Variants in CHD8 observed in about 807,000 individuals in gnomAD.
CHD8 encodes chromodomain helicase DNA binding protein 8.
Under a neutral mutation model 279.2 loss-of-function variants are expected in CHD8, and 31 were observed. The observed-to-expected ratio is 0.11, with a 90% CI of 0.08 to 0.15. The LOEUF (loss-of-function observed/expected upper bound fraction) is 0.15, where lower values mean the gene tolerates loss of function less well. Ranked by LOEUF, CHD8 falls within the 10% of genes least tolerant of loss-of-function variation. CHD8 has a pLI of 1.00. For synonymous variants in CHD8, 1,081 were observed against 1,139.6 expected (o/e 0.95, Z 1.04); for missense variants, 2,146 against 3,230.5 (o/e 0.66, Z 8.14).
intron 1 of CHD8, chr14:21,437,256 C>T: frequency 5.1e-6 from 6 of 1,165,990 alleles, no homozygotes; most frequent in African/African-American, 1.6e-5. Context: ...AGTTCCCCCT[C>T]CTCCTGCGCA....
In CHD8 at chr14:21,394,356, A is replaced by G; in HGVS notation, c.5520T>C (p.Asp1840=). The change falls in exon 31 of 38, where the codon GAT becomes GAC. Residue 1840 remains aspartate (D), a synonymous_variant. Transcript: ENST00000646647. ...RTFARLDKKT[D]ESLTKYFHGF... is the part of the protein sequence containing the mutation. The stretch of plus-strand genomic sequence containing the variant: ...CATGGAAGTACTTGGTAAGGCTTTC[A>G]TCTGTCTTTTTGTCTAGTCGAGCAA... 1.9e-6 allele frequency: 3 copies of G among 1,613,992 alleles called. No homozygotes were observed. Among genetic ancestry groups the G allele is most frequent in the Non-Finnish European group, 2.5e-6 (3 of 1,179,884 alleles).
chr14:21,401,750 A>G, intron 20 of CHD8: 1 of 591,272 alleles, frequency 1.7e-6, no homozygotes, highest in Non-Finnish European at 2.9e-6. Context: ...ATTCCTGGCT[A>G]ATTTTTGTAT....
At chr14:21,386,394 T>A in intron 37 of CHD8, 1 of 579,024 alleles carries the variant, frequency 1.7e-6, no homozygotes, top group Non-Finnish European at 3.1e-6. Flanking sequence ...TTAAGATCAA[T>A]GATTTTGTAC....
chr14:21,400,011 G>C lies in CHD8; in HGVS notation c.4787C>G (p.Ala1596Gly). ...AATCGCACCCCCTAACACCTTTTCTGCTTGGTCTCCAATAACCTCCTGCCT... is the reference window on the plus strand; with the variant it reads ...AATCGCACCCCCTAACACCTTTTCTCCTTGGTCTCCAATAACCTCCTGCCT... ...YLRQEVIGDQ[A>G]EKVLGGAIAS... is the part of the protein sequence containing the mutation. The change falls in exon 25 of 38, where the codon GCA becomes GGA. Residue 1596 changes from alanine (A) to glycine (G), a missense_variant. Physicochemically the swap from Ala to Gly is moderately conservative, Grantham distance 60. Transcript: ENST00000646647. This position sits in a 1 kb window ranked among gnomAD's most constrained non-coding sequence, Gnocchi z 4.2. 6.2e-7 allele frequency: 1 copy of C among 1,613,382 alleles called. No homozygotes were observed. Among genetic ancestry groups the C allele is most frequent in the Non-Finnish European group, 8.5e-7 (1 of 1,179,834 alleles).
rs184830793 is a variant in CHD8, at chr14:21,406,447, C to T, written c.2907+409G>A. Among the ~76,000 whole-genome samples the T allele has an allele frequency of 3.3e-4, 50 of 152,286 alleles. No homozygotes were observed. In the East Asian group the frequency reaches 6.6e-3, roughly 20 times the overall value. On this transcript the variant is annotated intron_variant, in intron 14 of 37. Transcript: ENST00000646647. ...ATGGAGGATGAGAGGCCATGTGGAACCCAGGTGCTCCAGATAAAAACCAGC... is the reference window on the plus strand; with the variant it reads ...ATGGAGGATGAGAGGCCATGTGGAATCCAGGTGCTCCAGATAAAAACCAGC...
chr14:21,439,803 A>G (rs148240267), intron 1 of CHD8, among the ~76,000 whole-genome samples: 4 of 152,368 alleles, frequency 2.6e-5, no homozygotes, highest in African/African-American at 9.6e-5. Flanking sequence ...TGCTAGCCAA[A>G]AAAAGACAAA....
At chr14:21,443,095 G>A (rs1890024340) in intron 1 of CHD8, among the ~76,000 whole-genome samples, 1 of 152,094 alleles carries the variant, frequency 6.6e-6, no homozygotes, top group African/African-American at 2.4e-5. Flanking sequence ...GCAGGATAAA[G>A]AAAACACTTA....
intron 1 of CHD8, among the ~76,000 whole-genome samples, chr14:21,451,934 T>C (rs957066048): frequency 7.2e-5 from 11 of 152,138 alleles, no homozygotes; most frequent in Non-Finnish European, 1.5e-5. Flanking sequence ...TATTTTACAA[T>C]ACAAATACAA....
chr14:21,385,595 G>C lies in CHD8; in HGVS notation c.*18C>G, dbSNP rs1019253397. On this transcript the variant is annotated 3_prime_UTR_variant, in exon 38 of 38. Coordinates refer to ENST00000646647, the MANE Select transcript of CHD8 (RefSeq NM_001170629.2). ...AAAATACAGCAGCCGCCCAAGCAAT[G>C]GGGCCCATGCTGGGGCTTCAGTCAT... 2.6e-6 allele frequency: 4 copies of C among 1,544,676 alleles called. No individual in the cohort carries two copies. In the African/African-American group the frequency reaches 5.5e-5, roughly 21 times the overall value.
At chr14:21,388,607 C>T (rs528036931) in intron 37 of CHD8, among the ~76,000 whole-genome samples, 6 of 152,270 alleles carry the variant, frequency 3.9e-5, no homozygotes, top group South Asian at 2.1e-4. Flanking sequence ...ATCCTCCTGC[C>T]TCAGCTTCCA....
chr14:21,412,972 A>G lies in CHD8; in HGVS notation c.2167T>C (p.Tyr723His). 6.2e-7 allele frequency: 1 copy of G among 1,609,446 alleles called. No homozygotes were observed. Among genetic ancestry groups the G allele is most frequent in the Non-Finnish European group, 8.5e-7 (1 of 1,176,058 alleles). Reference protein sequence around the residue: ...HEDEEPFNPDYVEVDRILDES... With the variant: ...HEDEEPFNPDHVEVDRILDES... ...TCCAATATCCTATCCACCTCTACGT[A>G]GTCTGGATTAAAGGGCTCTTCATCC... Residue 723 changes from tyrosine to histidine, a missense_variant, in exon 10 of 38, where the codon TAC (tyrosine) becomes CAC (histidine). Physicochemically the swap from Tyr to His is moderately conservative, Grantham distance 83 (BLOSUM62 2). Coordinates refer to ENST00000646647, the MANE Select transcript of CHD8 (RefSeq NM_001170629.2).
chr14:21,431,490 C>G lies in CHD8; in HGVS notation c.154G>C (p.Asp52His). 6.5e-7 allele frequency: 1 copy of G among 1,537,238 alleles called. No individual in the cohort carries two copies. Among genetic ancestry groups the G allele is most frequent in the Non-Finnish European group, 8.7e-7 (1 of 1,146,896 alleles). The change falls in exon 2 of 38, where the codon GAT (aspartate) becomes CAT (histidine). Residue 52 changes from aspartate (D) to histidine (H), a missense_variant. Around this residue, in one of 26 missense-constraint regions of CHD8, gnomAD observed 302 missense variants for 325.5 expected, o/e 0.93. Transcript: ENST00000646647. ...SLDSLDQMNQ[D>H]GGGGDVGNSS... Reference sequence around the variant, plus strand: ...TTCCCCACATCACCACCTCCACCATCCTGGTTCATCTGATCCAAGGAGTCC... The same window carrying G: ...TTCCCCACATCACCACCTCCACCATGCTGGTTCATCTGATCCAAGGAGTCC...
At chr14:21,426,413 T>C in intron 4 of CHD8, 171 bp from the exon 5 acceptor site, 1 of 576,350 alleles carries the variant, frequency 1.7e-6, no homozygotes, top group South Asian at 2.2e-5. Context: ...AAGAAGATAT[T>C]AGGGTTTGTA....
chr14:21,428,169 G>C lies in CHD8; in HGVS notation c.1301C>G (p.Ala434Gly), dbSNP rs1463321385. ...ASEVAALSSP[A>G]SSAPHSGGKT... ...TCCCCCCGAATGAGGAGCAGAGCTT[G>C]CTGGTGATGACAAAGCTGCCACTTC... Residue 434 changes from alanine to glycine, a missense_variant, in exon 4 of 38, where the codon GCA becomes GGA. This residue lies in a region of CHD8 where 170 missense variants were observed against 189.9 expected (regional missense o/e 0.90). Transcript: ENST00000646647. The C allele has an allele frequency of 3.1e-6, 5 of 1,613,998 alleles. No individual in the cohort carries two copies. The highest frequency in any genetic ancestry group is 4.2e-6 in the Non-Finnish European group (5 of 1,179,900).
At position 21,394,470 on chromosome 14, in the gene CHD8, T is replaced by C. The variant is rs1238975164; in HGVS notation, c.5406A>G (p.Glu1802=). The C allele has an allele frequency of 3.1e-6, 5 of 1,600,170 alleles. No individual in the cohort carries two copies. The highest frequency in any genetic ancestry group is 3.4e-6 in the Non-Finnish European group (4 of 1,172,948). Residue 1802 remains glutamate (E), a synonymous_variant, in exon 31 of 38, where the codon GAA becomes GAG. Coordinates refer to ENST00000646647, the MANE Select transcript of CHD8 (RefSeq NM_001170629.2). The part of the protein sequence containing the change: ...REKQQRWTRR[E]QTDFYRVVST... ...ACACCACTCGATAAAAATCAGTTTG[T>C]TCACGCCTTGTCCATCTACAAAAGG...
At position 21,408,074 on chromosome 14, in the gene CHD8, G is replaced by A. The variant is rs995759089; in HGVS notation, c.2730+238C>T. ...ACAAAATTCTACTTAAAATGTGTAT[G>A]TTCATAAATAAAATCAGAACTTCTA... On this transcript the variant is annotated intron_variant, in intron 13 of 37. Coordinates refer to ENST00000646647, the MANE Select transcript of CHD8 (RefSeq NM_001170629.2). This position sits in a 1 kb window ranked among gnomAD's most constrained non-coding sequence, Gnocchi z 4.3. Among the ~76,000 whole-genome samples the A allele has an allele frequency of 1.1e-4, 17 of 152,044 alleles. No individual in the cohort carries two copies. Among genetic ancestry groups the A allele is most frequent in the African/African-American group, 4.1e-4 (17 of 41,398 alleles).
Position 21,399,693 on chromosome 14 carries a change from T to C in CHD8, c.4830A>G (p.Ile1610Met), listed in dbSNP as rs372616350. 1 of 1,611,026 alleles carries C rather than the reference T, an allele frequency of 6.2e-7. No individual in the cohort carries two copies. The highest frequency in any genetic ancestry group is 8.5e-7 in the Non-Finnish European group (1 of 1,177,264). Residue 1610 changes from isoleucine (I) to methionine (M), a missense_variant, in exon 26 of 38, where the codon ATA becomes ATG. Coordinates refer to ENST00000646647, the MANE Select transcript of CHD8 (RefSeq NM_001170629.2). ...LGGAIASEID[I>M]WFPVVDQLEV... Reference sequence around the variant, plus strand: ...CCAGTTGATCCACTACTGGGAACCATATGTCAATCTCACTAAAGGTATAAG... The same window carrying C: ...CCAGTTGATCCACTACTGGGAACCACATGTCAATCTCACTAAAGGTATAAG...
intron 5 of CHD8, among the ~76,000 whole-genome samples, chr14:21,422,053 T>C (rs1008186293): frequency 2.0e-5 from 3 of 152,076 alleles, no homozygotes; most frequent in Admixed American, 6.6e-5. Flanking sequence ...AGGAAATAAA[T>C]GTCCAGGCCA....
chr14:21,387,872 TGATATTTCTTAAG>T (rs1258113088), intron 37 of CHD8, among the ~76,000 whole-genome samples: 1 of 151,436 alleles, frequency 6.6e-6, no homozygotes, highest in Non-Finnish European at 1.5e-5. Context: ...TGATTTTCTA[TGATATTTCTTAAG>T]AGTTTCAGTT....
Sources: allele counts gnomAD v4.1 joint callset (sites outside exome capture counted in the v4.1 genomes callset), GRCh38; gene constraint gnomAD v4.1.1; regional missense constraint gnomAD v4.1.1; non-coding constraint Gnocchi (gnomAD v3.1); transcripts MANE v1.5; gene names NCBI Gene and HGNC (gene_info 2026-07-23, HGNC 2026-07-21).